The following GAREM2 variants were observed in gnomAD, a reference collection of about 807,000 sequenced individuals.
GAREM2 encodes the protein GRB2-associated and regulator of MAPK protein 2.
In GAREM2, 30 loss-of-function variants were observed where a neutral mutation model predicts 55.6. That is an observed-to-expected ratio of 0.54 (90% confidence interval 0.40 to 0.73). GAREM2 has a LOEUF of 0.73. GAREM2 is among the 30% of genes least tolerant of loss of function. The pLI is 0.00. For synonymous variants in GAREM2, 550 were observed against 569.1 expected, an observed-to-expected ratio of 0.97 and a Z score of 0.48; for missense variants, 1,075 against 1,257.7, an observed-to-expected ratio of 0.85 and a Z score of 2.20.
Position 26,173,123 on chromosome 2 carries a change from C to T in GAREM2, c.-98C>T, listed in dbSNP as rs1470994725. The T allele has an allele frequency of 4.7e-6, 1 of 213,804 alleles. No individual in the cohort carries two copies. The highest frequency in any genetic ancestry group is 6.7e-5 in the Admixed American group (1 of 14,828). The allele number at this position is 213,804 out of a possible 1,614,324, so 13.2% of individuals were successfully genotyped here. On this transcript the variant is annotated 5_prime_UTR_variant, in exon 1 of 6. Transcript: ENST00000401533. ...CGGCGGGGCTGCCAGGCGGCGAGCGCCGCGGCGGCCCCGGGAGGTGGCGGC... is the reference window on the plus strand; with the variant it reads ...CGGCGGGGCTGCCAGGCGGCGAGCGTCGCGGCGGCCCCGGGAGGTGGCGGC...
intron 3 of GAREM2, among the ~76,000 whole-genome samples, chr2:26,183,618 T>C (rs1669126948): frequency 6.6e-6 from 1 of 152,122 alleles, no homozygotes; most frequent in Admixed American, 6.5e-5. Context: ...CCTAGCTACT[T>C]GGGAGGCTGA....
Position 26,186,285 on chromosome 2 carries a change from C to T in GAREM2, c.1525C>T (p.Arg509Cys), listed in dbSNP as rs1488182873. 7.1e-6 allele frequency: 11 copies of T among 1,551,254 alleles called. No homozygotes were observed. In the East Asian group the frequency reaches 9.8e-5, roughly 14 times the overall value. The change falls in exon 5 of 6, where the codon CGC becomes TGC. Residue 509 changes from arginine to cysteine, a missense_variant. Around this residue, in one of 6 missense-constraint regions of GAREM2, gnomAD observed 515 missense variants for 501.5 expected, o/e 1.03. Transcript: ENST00000401533. ...RLSSSPPVPP[R>C]FPKLQPVHSP... ...CTCCAGCAGCCCCCCGGTTCCCCCT[C>T]GCTTCCCCAAGCTGCAGCCGGTACA... is the stretch of plus-strand genomic sequence containing the variant.
chr2:26,182,903 G>A, intron 2 of GAREM2, 64 bp from the exon 3 acceptor site: 1 of 1,535,178 alleles, frequency 6.5e-7, no homozygotes, highest in East Asian at 2.5e-5. Flanking sequence ...GAAGGCTCTT[G>A]GGACGCAGGC....
At position 26,188,307 on chromosome 2, in the gene GAREM2, G is replaced by C. The variant is rs543339237; in HGVS notation, c.*50G>C. Reference sequence around the variant, plus strand: ...TGGAATGCTGGTATGGGGGCCCCAGGTACAGCACTCCGGAGGAGCAGGTGC... The same window carrying C: ...TGGAATGCTGGTATGGGGGCCCCAGCTACAGCACTCCGGAGGAGCAGGTGC... On this transcript the variant is annotated 3_prime_UTR_variant, in exon 6 of 6. Transcript: ENST00000401533. 1.8e-5 allele frequency: 25 copies of C among 1,361,432 alleles called. No individual in the cohort carries two copies. Among genetic ancestry groups the C allele is most frequent in the Non-Finnish European group, 2.4e-5 (25 of 1,033,302 alleles). The allele number at this position is 1,361,432 out of a possible 1,614,324, so 84.3% of individuals were successfully genotyped here.
rs1298405662 is a variant in GAREM2 at position 26,187,599 on chromosome 2, C to T, written c.1967C>T (p.Pro656Leu). The T allele has an allele frequency of 1.3e-6, 2 of 1,549,706 alleles. No individual in the cohort carries two copies. Residue 656 changes from proline to leucine, a missense_variant, in exon 6 of 6, where the codon CCT (proline) becomes CTT (leucine). By Grantham distance (98) the Pro-to-Leu change is moderately conservative. Coordinates refer to ENST00000401533, the MANE Select transcript of GAREM2 (RefSeq NM_001168241.2). ...TCTGGGCCCAGAACCACCTCGGGTC[C>T]TGTGGCTACCTCTGGCCCTGCGTAT... ...LSSGPRTTSG[P>L]VATSGPAYSP...
chr2:26,173,296 C>T lies in GAREM2; in HGVS notation c.76C>T (p.Arg26Cys). The T allele has an allele frequency of 7.0e-7, 1 of 1,437,160 alleles. No individual in the cohort carries two copies. The highest frequency in any genetic ancestry group is 9.1e-7 in the Non-Finnish European group (1 of 1,092,984). The allele number at this position is 1,437,160 out of a possible 1,614,324, so 89.0% of individuals were successfully genotyped here. ...CTTCCCGCTCGACCTCATCGTCAGC[C>T]GCTGCCGCCTGCCCACGCTCGCCTG... ...GAFPLDLIVS[R>C]CRLPTLACLG... Residue 26 changes from arginine to cysteine, a missense_variant, in exon 1 of 6, where the codon CGC becomes TGC. By Grantham distance (180) the Arg-to-Cys change is radical. Coordinates refer to ENST00000401533, the MANE Select transcript of GAREM2 (RefSeq NM_001168241.2).
At position 26,189,331 on chromosome 2, in the gene GAREM2, G is replaced by T. The variant is rs1262472259; in HGVS notation, c.*1074G>T. ...GATCTGCTTGGTACCCAGAGCTCTGGTCATTGTGTCCAACCACACACCCCA... is the reference window on the plus strand; with the variant it reads ...GATCTGCTTGGTACCCAGAGCTCTGTTCATTGTGTCCAACCACACACCCCA... On this transcript the variant is annotated 3_prime_UTR_variant, in exon 6 of 6. Transcript: ENST00000401533. The T allele has an allele frequency of 6.6e-6, 1 of 152,138 alleles. No individual in the cohort carries two copies. Among genetic ancestry groups the T allele is most frequent in the Admixed American group, 6.5e-5 (1 of 15,272 alleles). The allele number at this position is 152,138 out of a possible 1,614,324, so 9.4% of individuals were successfully genotyped here. A position where few individuals can be genotyped will look rare whatever the true frequency, so the allele number is the denominator to read the frequency against.
At chr2:26,191,558 C>A (rs1057517132), downstream of GAREM2, 1 of 1,614,160 alleles carries the variant, frequency 6.2e-7, no homozygotes, top group Non-Finnish European at 8.5e-7. Flanking sequence ...AAGATCCCCT[C>A]TTGCAGGCAC....
downstream of GAREM2, chr2:26,192,301 C>T (rs200802583): frequency 2.1e-5 from 29 of 1,403,656 alleles, no homozygotes; most frequent in Admixed American, 2.5e-4. Context: ...GCCACTCAAA[C>T]GGACTTACAC....
Position 26,184,110 on chromosome 2 carries a change from T to C in GAREM2, c.385-123T>C. 2.1e-6 allele frequency: 3 copies of C among 1,421,394 alleles called. No homozygotes were observed. The South Asian group carries it at 4.1e-5, about 20-fold the overall frequency. 88.0% of individuals were successfully genotyped at this position (1,421,394 alleles called of 1,614,324 possible). ...TGAACGTGGATCTCCTGGCCTACCATCTAGTCCGAGCCCCGGGAGGGCGGA... is the reference window on the plus strand; with the variant it reads ...TGAACGTGGATCTCCTGGCCTACCACCTAGTCCGAGCCCCGGGAGGGCGGA... On this transcript the variant is annotated intron_variant, in intron 3 of 5. Transcript: ENST00000401533.
At chr2:26,201,431 T>C in the GAREM2 span, 26 of 729,462 alleles carry the variant, frequency 3.6e-5, no homozygotes, top group African/African-American at 4.2e-4. Context: ...GAGGTAGTTA[T>C]TCTATTACTC....
Position 26,187,578 on chromosome 2 carries a change from G to A in GAREM2, c.1946G>A (p.Gly649Glu). The change falls in exon 6 of 6, where the codon GGG (glycine) becomes GAG (glutamate). Residue 649 changes from glycine to glutamate, a missense_variant. Physicochemically the swap from Gly to Glu is moderately conservative, Grantham distance 98. Transcript: ENST00000401533. ...PSGPSAALSS[G>E]PRTTSGPVAT... Reference sequence around the variant, plus strand: ...GGCCCTTCAGCGGCCTTGTCTTCTGGGCCCAGAACCACCTCGGGTCCTGTG... The same window carrying A: ...GGCCCTTCAGCGGCCTTGTCTTCTGAGCCCAGAACCACCTCGGGTCCTGTG... 1 of 1,546,942 alleles carries A rather than the reference G, an allele frequency of 6.5e-7. No individual in the cohort carries two copies. Among genetic ancestry groups the A allele is most frequent in the Admixed American group, 2.0e-5 (1 of 50,162 alleles).
chr2:26,186,751 G>C (rs1669272016), intron 5 of GAREM2, among the ~76,000 whole-genome samples: 1 of 152,214 alleles, frequency 6.6e-6, no homozygotes, highest in South Asian at 2.1e-4. Flanking sequence ...CGAGTTGGGT[G>C]AATCACTTGA....
chr2:26,199,058 C>G, the GAREM2 span, among the ~76,000 whole-genome samples: 1 of 152,092 alleles, frequency 6.6e-6, no homozygotes, highest in Non-Finnish European at 1.5e-5. Flanking sequence ...CCATGCCTGG[C>G]TAATTTTTTT....
At chr2:26,191,643 A>AGAT (rs1669508436), downstream of GAREM2, 1 of 1,613,762 alleles carries the variant, frequency 6.2e-7, no homozygotes, top group Non-Finnish European at 8.5e-7. Context: ...CAACAGAAAG[A>AGAT]GATGTTTAGG....
downstream of GAREM2, chr2:26,191,569 A>G (rs149632783): frequency 9.0e-4 from 1,452 of 1,613,976 alleles, 13 homozygotes; most frequent in East Asian, 2.7e-4. Context: ...TTGCAGGCAC[A>G]TGACTGCCTC....
At chr2:26,203,986 C>T in the GAREM2 span, 3 of 1,445,532 alleles carry the variant, frequency 2.1e-6, no homozygotes, top group Non-Finnish European at 2.9e-6. Context: ...AAAAAACCCA[C>T]CAAGCCACCA....
intron 1 of GAREM2, among the ~76,000 whole-genome samples, chr2:26,175,326 C>T (rs1251187472): frequency 3.9e-5 from 6 of 152,118 alleles, no homozygotes; most frequent in African/African-American, 9.7e-5. Flanking sequence ...CTGGGGTTGG[C>T]GCCTCCAGGC....
intron 2 of GAREM2, chr2:26,181,087 G>A (rs952216378): frequency 3.0e-6 from 3 of 985,300 alleles, no homozygotes; most frequent in South Asian, 4.7e-5. Context: ...TTACTGGTTT[G>A]TTTACCTGAC....
Sources: allele counts gnomAD v4.1 joint callset (sites outside exome capture counted in the v4.1 genomes callset), GRCh38; gene constraint gnomAD v4.1.1; regional missense constraint gnomAD v4.1.1; transcripts MANE v1.5; gene names NCBI Gene and HGNC (gene_info 2026-07-23, HGNC 2026-07-21).